The following CARM1 variants were observed in gnomAD, a reference collection of about 807,000 sequenced individuals.
CARM1 encodes the protein histone-arginine methyltransferase CARM1.
Under a neutral mutation model 72.7 loss-of-function variants are expected in CARM1, and 14 were observed. The observed-to-expected ratio is 0.19, with a 90% CI of 0.13 to 0.30. The LOEUF (loss-of-function observed/expected upper bound fraction) is 0.30, where lower values mean the gene tolerates loss of function less well. Among genes scored for constraint, CARM1 ranks in the 10% least tolerant of loss-of-function variants. The pLI, the probability that CARM1 is intolerant of heterozygous loss-of-function variation, is 1.00. For synonymous variants in CARM1, 333 were observed against 345.5 expected, an observed-to-expected ratio of 0.96 and a Z score of 0.40; for missense variants, 432 against 833.7, an observed-to-expected ratio of 0.52 and a Z score of 5.93.
rs8099866 is a variant in CARM1 at position 10,911,397 on chromosome 19, C to T, written c.559-787C>T. On this transcript the variant is annotated intron_variant, in intron 4 of 15. Transcript: ENST00000327064. ...AGTGTCTGCCCTGGCAGGGCCATCC[C>T]GAGCCTCCTCCTGGCCACTGAGGTC... Among the ~76,000 whole-genome samples, 1,344 of 152,236 alleles carry T rather than the reference C, an allele frequency of 8.8e-3. 24 individuals carry two copies. The highest frequency in any genetic ancestry group is 0.031 in the African/African-American group (1,286 of 41,532).
At position 10,896,782 on chromosome 19, in the gene CARM1, T is replaced by C. The variant is rs1291241298; in HGVS notation, c.221-8169T>C. 6.6e-6 allele frequency among the ~76,000 whole-genome samples: 1 copy of C among 152,190 alleles called. No individual in the cohort carries two copies. The highest frequency in any genetic ancestry group is 1.5e-5 in the Non-Finnish European group (1 of 68,030). On this transcript the variant is annotated intron_variant, in intron 1 of 15. Transcript: ENST00000327064. The surrounding 1 kb of genome is among the most constrained non-coding windows in gnomAD (Gnocchi z 5.2). Reference sequence around the variant, plus strand: ...TCCAGGCACCTACAGAGTCCACCACTTGGGGATCTCTGTCAGTCTGCCACT... The same window carrying C: ...TCCAGGCACCTACAGAGTCCACCACCTGGGGATCTCTGTCAGTCTGCCACT...
In CARM1 at chr19:10,916,649, C is replaced by T. The variant is rs2074199111; in HGVS notation, c.939-47C>T. On this transcript the variant is annotated intron_variant, in intron 7 of 15. Coordinates refer to ENST00000327064, the MANE Select transcript of CARM1 (RefSeq NM_199141.2). The surrounding 1 kb of genome is among the most constrained non-coding windows in gnomAD (Gnocchi z 4.4). ...GAGAAGGCAGGGCTACCCCACCTGC[C>T]TCTTCTGCAGCCCTGACCTTGCTGT... 1 of 1,514,776 alleles carries T rather than the reference C, an allele frequency of 6.6e-7. No homozygotes were observed. The highest frequency in any genetic ancestry group is 2.4e-5 in the East Asian group (1 of 41,944). The allele number at this position is 1,514,776 out of a possible 1,614,324, so 93.8% of individuals were successfully genotyped here. A position where few individuals can be genotyped will look rare whatever the true frequency, so the allele number is the denominator to read the frequency against.
intron 1 of CARM1, among the ~76,000 whole-genome samples, chr19:10,873,549 A>G (rs985098651): frequency 6.8e-6 from 1 of 147,274 alleles, no homozygotes; most frequent in African/African-American, 2.5e-5. Context: ...AGATCGTGCC[A>G]TTGCACTCCA....
chr19:10,891,302 T>C (rs1277701310), intron 1 of CARM1, among the ~76,000 whole-genome samples: 2 of 152,028 alleles, frequency 1.3e-5, no homozygotes. Context: ...ACACTAAAGC[T>C]GAGGTGTCGG....
chr19:10,912,714 C>T lies in CARM1; in HGVS notation c.669+420C>T, dbSNP rs2074161961. Among the ~76,000 whole-genome samples the T allele has an allele frequency of 6.6e-6, 1 of 152,126 alleles. No homozygotes were observed. The highest frequency in any genetic ancestry group is 1.5e-5 in the Non-Finnish European group (1 of 68,022). Reference sequence around the variant, plus strand: ...TCGCACCAGTGGAGGCTGCACCCTCCATTCCCTGCTCTGCCTCTCCCATGG... The same window carrying T: ...TCGCACCAGTGGAGGCTGCACCCTCTATTCCCTGCTCTGCCTCTCCCATGG... On this transcript the variant is annotated intron_variant, in intron 5 of 15. Transcript: ENST00000327064. The surrounding 1 kb of genome is among the most constrained non-coding windows in gnomAD (Gnocchi z 4.5).
At position 10,921,083 on chromosome 19, in the gene CARM1, T is replaced by C; in HGVS notation, c.1571T>C (p.Ile524Thr). 3.7e-6 allele frequency: 6 copies of C among 1,614,200 alleles called. No individual in the cohort carries two copies. Among genetic ancestry groups the C allele is most frequent in the South Asian group, 1.1e-5 (1 of 91,088 alleles). Reference protein sequence around the residue: ...MPTAYDLSSVIASGSSVGHNN... With the variant: ...MPTAYDLSSVTASGSSVGHNN... ...ACCGCCTATGACTTGAGCAGTGTTA[T>C]TGCCAGTGGCTCCAGCGTGGGCCAC... The change falls in exon 14 of 16, where the codon ATT becomes ACT. Residue 524 changes from isoleucine to threonine, a missense_variant. Coordinates refer to ENST00000327064, the MANE Select transcript of CARM1 (RefSeq NM_199141.2).
At chr19:10,902,280 ATTG>A (rs1381446093) in intron 1 of CARM1, among the ~76,000 whole-genome samples, 40 of 146,360 alleles carry the variant, frequency 2.7e-4, no homozygotes, top group African/African-American at 9.3e-4. Context: ...ATACAAAATA[ATTG>A]TTGTTTCTTT....
intron 2 of CARM1, 24 bp downstream of exon 2, chr19:10,905,100 G>A (rs776482428): frequency 2.4e-5 from 39 of 1,609,762 alleles, no homozygotes; most frequent in East Asian, 4.5e-5. Context: ...CTTCCATTCC[G>A]GTGACACCAG....
intron 1 of CARM1, among the ~76,000 whole-genome samples, chr19:10,883,787 G>A (rs2073919629): frequency 6.6e-6 from 1 of 152,212 alleles, no homozygotes; most frequent in African/African-American, 2.4e-5. Flanking sequence ...GGAGGCTGAG[G>A]CAGGTGAATC....
intron 1 of CARM1, among the ~76,000 whole-genome samples, chr19:10,892,994 CAA>C (rs2073998669): frequency 6.6e-6 from 1 of 152,042 alleles, no homozygotes; most frequent in Non-Finnish European, 1.5e-5. Flanking sequence ...CTCAGCCTCC[CAA>C]AGTGGTGGGA....
chr19:10,882,751 A>G (rs2073911732), intron 1 of CARM1, among the ~76,000 whole-genome samples: 1 of 152,018 alleles, frequency 6.6e-6, no homozygotes, highest in African/African-American at 2.4e-5. Context: ...CATGTTAGCC[A>G]GGCTGGCCTC....
At chr19:10,876,169 G>T (rs945771225) in intron 1 of CARM1, among the ~76,000 whole-genome samples, 1 of 152,008 alleles carries the variant, frequency 6.6e-6, no homozygotes, top group Non-Finnish European at 1.5e-5. Context: ...GTGAGCCACC[G>T]CCACCAGCCT....
intron 1 of CARM1, among the ~76,000 whole-genome samples, chr19:10,901,671 G>C (rs903958452): frequency 4.0e-5 from 6 of 151,708 alleles, no homozygotes; most frequent in Non-Finnish European, 8.8e-5. Context: ...GCCCAGCCCA[G>C]TGGCTCATGC....
intron 1 of CARM1, among the ~76,000 whole-genome samples, chr19:10,899,386 C>A (rs545628241): frequency 6.6e-6 from 1 of 152,252 alleles, no homozygotes; most frequent in African/African-American, 2.4e-5. Flanking sequence ...AACAGATCGA[C>A]AGTATCTCCT....
At chr19:10,873,634 T>TG (rs2073838235) in intron 1 of CARM1, among the ~76,000 whole-genome samples, 1 of 116,192 alleles carries the variant, frequency 8.6e-6, no homozygotes, top group South Asian at 3.4e-4. Flanking sequence ...GTTTTTTTTT[T>TG]TTTTTTTTTT....
At chr19:10,902,967 T>A (rs905055175) in intron 1 of CARM1, among the ~76,000 whole-genome samples, 1 of 152,134 alleles carries the variant, frequency 6.6e-6, no homozygotes, top group Non-Finnish European at 1.5e-5. Flanking sequence ...TGCAAATAGT[T>A]CTCCTAAGAG....
chr19:10,921,839 G>T lies in CARM1; in HGVS notation c.*82G>T. 7.2e-7 allele frequency: 1 copy of T among 1,379,892 alleles called. No individual in the cohort carries two copies. The allele number at this position is 1,379,892 out of a possible 1,614,324, so 85.5% of individuals were successfully genotyped here. A position where few individuals can be genotyped will look rare whatever the true frequency, so the allele number is the denominator to read the frequency against. ...CCCCCGCCGGGCGGCTTTCCCCCTT[G>T]TACTGGAGAAGCTCGAACACCCGGT... On this transcript the variant is annotated 3_prime_UTR_variant, in exon 16 of 16. Coordinates refer to ENST00000327064, the MANE Select transcript of CARM1 (RefSeq NM_199141.2).
intron 1 of CARM1, among the ~76,000 whole-genome samples, chr19:10,882,160 T>C (rs770035856): frequency 3.3e-5 from 5 of 152,162 alleles, no homozygotes; most frequent in Non-Finnish European, 5.9e-5. Flanking sequence ...AGAGGGTTGT[T>C]GTGAGTGGCG....
chr19:10,918,638 T>C (rs2053065), intron 8 of CARM1, among the ~76,000 whole-genome samples: 38,056 of 152,052 alleles, frequency 0.25, 4,848 homozygotes, highest in Middle Eastern at 0.34. Flanking sequence ...CCGCCCACCT[T>C]GCCCTCCTGC....
Sources: gnomAD v4.1 joint callset for allele counts (sites outside exome capture counted in the v4.1 genomes callset) on GRCh38, gnomAD v4.1.1 for gene constraint, Gnocchi (gnomAD v3.1) non-coding constraint, MANE v1.5 for transcripts, NCBI Gene and HGNC (gene_info 2026-07-23, HGNC 2026-07-21) for gene names.